DOCK5: variants seen among roughly 807,000 people sequenced by gnomAD.
DOCK5 encodes dedicator of cytokinesis protein 5.
In DOCK5, 142 loss-of-function variants were observed where a neutral mutation model predicts 251.8. The ratio of observed to expected loss-of-function variants is 0.56; its 90% CI spans 0.49 to 0.65. The LOEUF is 0.65. DOCK5 is among the 30% of genes least tolerant of loss of function. The pLI is 0.00. For missense variants in DOCK5, 2,111 were observed against 2,312.3 expected (o/e 0.91, Z 1.79); for synonymous variants, 842 against 835.5 (o/e 1.01, Z -0.13).
intron 1 of DOCK5, among the ~76,000 whole-genome samples, chr8:25,237,342 C>T (rs1802828530): frequency 6.6e-6 from 1 of 151,862 alleles, no homozygotes; most frequent in African/African-American, 2.4e-5. Context: ...TGTACTCTGG[C>T]CTGGTTGATA....
chr8:25,311,659 C>T lies in DOCK5; in HGVS notation c.1318+1127C>T, dbSNP rs374870842. Among the ~76,000 whole-genome samples the T allele has an allele frequency of 1.1e-4, 17 of 152,038 alleles. 1 individual carries two copies. The highest frequency in any genetic ancestry group is 1.0e-3 in the Admixed American group (16 of 15,260). On this transcript the variant is annotated intron_variant, in intron 13 of 51. Coordinates refer to ENST00000276440, the MANE Select transcript of DOCK5 (RefSeq NM_024940.8). ...ATTTTAGGCCAGGCATGGTGGCTCA[C>T]GTCTGTAATCCCAGAACTTTAGGAG...
Position 25,390,194 on chromosome 8 carries a change from CG to C in DOCK5, c.4274-11del, listed in dbSNP as rs776450220. 4 of 1,574,812 alleles carry C rather than the reference CG, an allele frequency of 2.5e-6. No homozygotes were observed. In the Admixed American group the frequency reaches 7.4e-5, roughly 29 times the overall value. ...ACCCCAGCCCCTCTCCTTTCCTTAACGAGCTCTTCAGACATGCAGTGCTTCA... is the reference window on the plus strand; with the variant it reads ...ACCCCAGCCCCTCTCCTTTCCTTAACAGCTCTTCAGACATGCAGTGCTTCA... On this transcript the variant is annotated splice_polypyrimidine_tract_variant and intron_variant, in intron 41 of 51. Coordinates refer to ENST00000276440, the MANE Select transcript of DOCK5 (RefSeq NM_024940.8).
Position 25,325,548 on chromosome 8 carries a change from G to A in DOCK5, c.1903+1G>A. On this transcript the variant is annotated splice_donor_variant, in intron 18 of 51. Coordinates refer to ENST00000276440, the MANE Select transcript of DOCK5 (RefSeq NM_024940.8). LOFTEE classifies it high-confidence loss of function. ...TGCTCCACAAAGCTCACCCAGAATGGTAGGAGTGGTGAATACACTGACACA... is the reference window on the plus strand; with the variant it reads ...TGCTCCACAAAGCTCACCCAGAATGATAGGAGTGGTGAATACACTGACACA... 2 of 1,613,036 alleles carry A rather than the reference G, an allele frequency of 1.2e-6. No homozygotes were observed. Among genetic ancestry groups the A allele is most frequent in the South Asian group, 1.1e-5 (1 of 90,944 alleles).
chr8:25,400,257 G>C (rs1801415070), intron 46 of DOCK5, among the ~76,000 whole-genome samples: 1 of 152,114 alleles, frequency 6.6e-6, no homozygotes. Flanking sequence ...CCAGCACTTT[G>C]GGAGGCTGAA....
chr8:25,281,589 A>G (rs2117134211), intron 5 of DOCK5, among the ~76,000 whole-genome samples: 1 of 151,728 alleles, frequency 6.6e-6, no homozygotes, highest in Admixed American at 6.6e-5. Context: ...TTGGTTAAAA[A>G]AAAAAAAAAG....
intron 7 of DOCK5, among the ~76,000 whole-genome samples, chr8:25,297,984 G>A: frequency 6.6e-6 from 1 of 150,778 alleles, no homozygotes; most frequent in East Asian, 2.0e-4. Flanking sequence ...TTGAGACTGG[G>A]AATTTAAGGC....
At chr8:25,270,733 C>A in intron 3 of DOCK5, 1 of 690,186 alleles carries the variant, frequency 1.4e-6, no homozygotes, top group Non-Finnish European at 2.7e-6. Context: ...CATGGCAGAC[C>A]TTGCTTTCTA....
At chr8:25,352,384 A>G (rs1800487409) in intron 27 of DOCK5, among the ~76,000 whole-genome samples, 1 of 152,150 alleles carries the variant, frequency 6.6e-6, no homozygotes, top group Non-Finnish European at 1.5e-5. Context: ...CAAACATTTT[A>G]AAGAACCTGT....
At chr8:25,355,909 G>T (rs2117257980) in intron 27 of DOCK5, among the ~76,000 whole-genome samples, 1 of 151,940 alleles carries the variant, frequency 6.6e-6, no homozygotes, top group South Asian at 2.1e-4. Flanking sequence ...AAATAATAAT[G>T]GGGCCTGGCA....
intron 16 of DOCK5, among the ~76,000 whole-genome samples, chr8:25,322,558 A>G (rs1805452577): frequency 6.6e-6 from 1 of 152,258 alleles, no homozygotes; most frequent in African/African-American, 2.4e-5. Context: ...ATGGTTCTGC[A>G]TAATAACTAA....
intron 23 of DOCK5, 73 bp downstream of exon 23, chr8:25,341,061 C>A: frequency 1.8e-6 from 2 of 1,102,942 alleles, no homozygotes; most frequent in Non-Finnish European, 1.3e-6. Flanking sequence ...TTAGAATTGG[C>A]CATCATGAGG....
chr8:25,286,032 A>T (rs927653936), intron 5 of DOCK5, among the ~76,000 whole-genome samples: 6 of 152,176 alleles, frequency 3.9e-5, no homozygotes, highest in Non-Finnish European at 7.3e-5. Flanking sequence ...GGTTTCTTTA[A>T]AAATCAGACC....
At chr8:25,400,819 C>T (rs1801426039) in intron 46 of DOCK5, 110 bp from the exon 47 acceptor site, 5 of 1,245,626 alleles carry the variant, frequency 4.0e-6, no homozygotes, top group Non-Finnish European at 5.7e-6. Context: ...CATTGGCCAG[C>T]ACTATGTCTA....
At chr8:25,193,619 C>T (rs1801641649) in intron 1 of DOCK5, among the ~76,000 whole-genome samples, 1 of 151,848 alleles carries the variant, frequency 6.6e-6, no homozygotes, top group Non-Finnish European at 1.5e-5. Flanking sequence ...CAAAAATTAG[C>T]TGGGCATGGT....
At chr8:25,345,753 A>G in intron 26 of DOCK5, 142 bp downstream of exon 26, 2 of 1,222,516 alleles carry the variant, frequency 1.6e-6, no homozygotes, top group Non-Finnish European at 1.1e-6. Context: ...AGAGATAATT[A>G]GGGAGGCCAG....
At chr8:25,272,549 G>T (rs1803938984) in intron 3 of DOCK5, among the ~76,000 whole-genome samples, 1 of 152,166 alleles carries the variant, frequency 6.6e-6, no homozygotes, top group Admixed American at 6.5e-5. Context: ...AAAACCTTCA[G>T]CAGGGATGTT....
At chr8:25,284,776 A>T (rs1484611971) in intron 5 of DOCK5, among the ~76,000 whole-genome samples, 2 of 152,224 alleles carry the variant, frequency 1.3e-5, no homozygotes, top group Non-Finnish European at 2.9e-5. Flanking sequence ...TTTTGAATAT[A>T]AACAATTCTA....
chr8:25,360,256 TTA>T (rs1800652620), intron 28 of DOCK5, among the ~76,000 whole-genome samples: 1 of 152,236 alleles, frequency 6.6e-6, no homozygotes, highest in Non-Finnish European at 1.5e-5. Context: ...CTGTTTGTTA[TTA>T]TTAGTTGGTT....
intron 48 of DOCK5, among the ~76,000 whole-genome samples, chr8:25,406,349 CATT>C (rs1361159140): frequency 2.6e-5 from 4 of 152,292 alleles, no homozygotes; most frequent in African/African-American, 9.6e-5. Flanking sequence ...ATTTATGCAT[CATT>C]AAGTATTTAA....
Sources: allele counts gnomAD v4.1 joint callset (sites outside exome capture counted in the v4.1 genomes callset), GRCh38; gene constraint gnomAD v4.1.1; transcripts MANE v1.5; gene names NCBI Gene and HGNC (gene_info 2026-07-23, HGNC 2026-07-21).